MADCAM1: variants seen among roughly 807,000 people sequenced by gnomAD.
The protein encoded by MADCAM1 is mucosal vascular addressin cell adhesion molecule 1.
Under a neutral mutation model 26.1 loss-of-function variants are expected in MADCAM1, and 19 were observed. The ratio of observed to expected loss-of-function variants is 0.73; its 90% CI spans 0.51 to 1.07. The LOEUF is 1.07. Among genes scored for constraint, MADCAM1 ranks in the 50% least tolerant of loss-of-function variants. The pLI is 0.00. For missense variants in MADCAM1, 514 were observed against 542.1 expected (o/e 0.95, Z 0.51); for synonymous variants, 268 against 260.9 (o/e 1.03, Z -0.26).
chr19:497,758 G>C, intron 1 of MADCAM1, 75 bp from the exon 2 acceptor site: 1 of 1,158,578 alleles, frequency 8.6e-7, no homozygotes, highest in East Asian at 3.3e-5. Flanking sequence ...TCCGGGGGTG[G>C]AGCGGGACGC....
rs769030372 is a variant in MADCAM1, at chr19:501,716, G to C, written c.715G>C (p.Glu239Gln). ...GGAGCCTCCCGACACCACCTCCCCG[G>C]AGTCTCCCGACACCACCTCCCCGGA... ...SPEPPDTTSP[E>Q]SPDTTSPESP... Residue 239 changes from glutamate to glutamine, a missense_variant, in exon 4 of 5, where the codon GAG (glutamate) becomes CAG (glutamine). Transcript: ENST00000215637. The C allele has an allele frequency of 1.3e-6, 2 of 1,513,780 alleles. No individual in the cohort carries two copies. The highest frequency in any genetic ancestry group is 2.6e-5 in the South Asian group (2 of 75,982). 93.8% of individuals were successfully genotyped at this position (1,513,780 alleles called of 1,614,324 possible).
intron 3 of MADCAM1, chr19:499,917 C>G (rs181353866): frequency 2.3e-6 from 1 of 435,332 alleles, no homozygotes. Context: ...TGTTAATGGA[C>G]GTGAGGTCGT....
At chr19:498,943 T>G in intron 3 of MADCAM1, 118 bp downstream of exon 3, 102 of 1,324,740 alleles carry the variant, frequency 7.7e-5, no homozygotes, top group East Asian at 3.1e-4. Flanking sequence ...GAGGACTGGA[T>G]TCCCCCACGC....
At chr19:501,485 CAAAAAAAAAAAAAAA>C (rs60370701) in intron 3 of MADCAM1, 169 bp from the exon 4 acceptor site, 856 of 83,538 alleles carry the variant, frequency 0.01, 13 homozygotes, top group African/African-American at 0.054. Context: ...AACTCTGTCT[CAAAAAAAAAAAAAAA>C]AAAAAAAAAA....
In MADCAM1 at chr19:505,321, C is replaced by T. The variant is rs746257311; in HGVS notation, c.*356C>T. On this transcript the variant is annotated 3_prime_UTR_variant, in exon 5 of 5. Transcript: ENST00000215637. ...TCGTCAGGACCTCCTGAGGCTTTGG[C>T]AAATAAACCTCCTAAAATGATACAA... 6 of 226,102 alleles carry T rather than the reference C, an allele frequency of 2.7e-5. No homozygotes were observed. Among genetic ancestry groups the T allele is most frequent in the Non-Finnish European group, 5.2e-5 (6 of 115,942 alleles). 14.0% of individuals were successfully genotyped at this position (226,102 alleles called of 1,614,324 possible).
At chr19:498,435 C>G in intron 2 of MADCAM1, 61 bp from the exon 3 acceptor site, 1 of 1,410,156 alleles carries the variant, frequency 7.1e-7, no homozygotes, top group Non-Finnish European at 9.2e-7. Context: ...GGGCTCCGGC[C>G]CCTCCATCAC....
At position 497,996 on chromosome 19, in the gene MADCAM1, G is replaced by T; in HGVS notation, c.216G>T (p.Ser72=). The change falls in exon 2 of 5, where the codon TCG becomes TCT. Residue 72 remains serine, a synonymous_variant. Transcript: ENST00000215637. ...GLDTSLGAVQ[S]DTGRSVLTVR... ...ACACCAGCCTGGGCGCGGTGCAGTCGGACACGGGCCGCAGCGTCCTCACCG... is the reference window on the plus strand; with the variant it reads ...ACACCAGCCTGGGCGCGGTGCAGTCTGACACGGGCCGCAGCGTCCTCACCG... 1 of 1,502,458 alleles carries T rather than the reference G, an allele frequency of 6.7e-7. No homozygotes were observed. The highest frequency in any genetic ancestry group is 8.8e-7 in the Non-Finnish European group (1 of 1,131,842). The allele number at this position is 1,502,458 out of a possible 1,614,324, so 93.1% of individuals were successfully genotyped here. A position where few individuals can be genotyped will look rare whatever the true frequency, so the allele number is the denominator to read the frequency against.
intron 2 of MADCAM1, 69 bp from the exon 3 acceptor site, chr19:498,427 G>C: frequency 7.2e-7 from 1 of 1,396,866 alleles, no homozygotes; most frequent in Non-Finnish European, 9.3e-7. Flanking sequence ...GCCCCTCCGG[G>C]CTCCGGCCCC....
rs1221430128 is a variant in MADCAM1 at position 504,751 on chromosome 19, A to C, written c.935A>C (p.Lys312Thr). Reference protein sequence around the residue: ...QGEVIPTGSSKPAGDQLPAAL... With the variant: ...QGEVIPTGSSTPAGDQLPAAL... ...TCCTGCACTCTCTCCCCAGCGTCCAAACCTGCGGGTGACCAGCTGCCCGCG... is the reference window on the plus strand; with the variant it reads ...TCCTGCACTCTCTCCCCAGCGTCCACACCTGCGGGTGACCAGCTGCCCGCG... The change falls in exon 5 of 5, where the codon AAA becomes ACA. Residue 312 changes from lysine to threonine, a missense_variant. Lys to Thr is a moderately conservative substitution (Grantham distance 78). Coordinates refer to ENST00000215637, the MANE Select transcript of MADCAM1 (RefSeq NM_130760.3). 1 of 1,603,414 alleles carries C rather than the reference A, an allele frequency of 6.2e-7. No homozygotes were observed. The highest frequency in any genetic ancestry group is 8.5e-7 in the Non-Finnish European group (1 of 1,172,392).
At chr19:504,624 G>C in intron 4 of MADCAM1, 121 bp from the exon 5 acceptor site, 1 of 701,756 alleles carries the variant, frequency 1.4e-6, no homozygotes, top group Admixed American at 2.4e-5. Flanking sequence ...AAAGTCCTTT[G>C]TGAAATTTCA....
chr19:498,921 GT>G, intron 3 of MADCAM1, 96 bp downstream of exon 3: 1 of 1,346,124 alleles, frequency 7.4e-7, no homozygotes, highest in South Asian at 1.3e-5. Context: ...CACCTGTGCT[GT>G]GGGGCGCTGG....
rs1442104370 is a variant in MADCAM1 at position 504,978 on chromosome 19, TC to T, written c.*18del. ...CAGCCCCTCCTGAGTGGCCAGCCTT[TC>T]CCCCTGTGAAAGCAAAATAGCTTGG... On this transcript the variant is annotated 3_prime_UTR_variant, in exon 5 of 5. Transcript: ENST00000215637. The T allele has an allele frequency of 3.2e-6, 5 of 1,568,850 alleles. No homozygotes were observed. Among genetic ancestry groups the T allele is most frequent in the Non-Finnish European group, 4.3e-6 (5 of 1,150,208 alleles).
intron 2 of MADCAM1, 33 bp from the exon 3 acceptor site, chr19:498,463 G>A (rs1361716040): frequency 1.4e-6 from 2 of 1,439,236 alleles, no homozygotes; most frequent in Non-Finnish European, 1.8e-6. Flanking sequence ...CCTGACTCTG[G>A]GCTCAGCCCT....
chr19:498,901 G>T, intron 3 of MADCAM1, 76 bp downstream of exon 3: 1 of 428,418 alleles, frequency 2.3e-6, no homozygotes, highest in Non-Finnish European at 4.4e-6. Flanking sequence ...GTGGGGGGGT[G>T]GGGGGGCAGC....
chr19:499,455 C>G (rs1479152996), intron 3 of MADCAM1: 2 of 441,278 alleles, frequency 4.5e-6, no homozygotes, highest in South Asian at 3.2e-5. Flanking sequence ...CAGGCACACA[C>G]GCACACGCGT....
chr19:504,692 G>A, intron 4 of MADCAM1, 53 bp from the exon 5 acceptor site: 1 of 1,343,830 alleles, frequency 7.4e-7, no homozygotes, highest in South Asian at 1.3e-5. Flanking sequence ...CCCTTCCCAA[G>A]CCTGCAGAGG....
At position 503,211 on chromosome 19, in the gene MADCAM1, C is replaced by T. The variant is rs371079572; in HGVS notation, c.928+1282C>T. ...TAAAAGTAAAGGCAAGGCATGAACC[C>T]GGGAGGTAGAGCTTGCAGTGAGCCG... On this transcript the variant is annotated intron_variant, in intron 4 of 4. Transcript: ENST00000215637. 1.6e-4 allele frequency among the ~76,000 whole-genome samples: 25 copies of T among 151,900 alleles called. No homozygotes were observed. In the East Asian group the frequency reaches 2.1e-3, roughly 13 times the overall value.
chr19:504,540 G>T (rs1978516259), intron 4 of MADCAM1, among the ~76,000 whole-genome samples: 1 of 152,176 alleles, frequency 6.6e-6, no homozygotes, highest in African/African-American at 2.4e-5. Flanking sequence ...TTTCAGGCGT[G>T]AGCCACCCCG....
chr19:500,928 A>G (rs1387111235), intron 3 of MADCAM1, among the ~76,000 whole-genome samples: 14 of 151,570 alleles, frequency 9.2e-5, no homozygotes, highest in Admixed American at 7.9e-4. Context: ...ATAGAAACAA[A>G]AATGTAGGCC....
Sources: gnomAD v4.1 joint callset for allele counts (sites outside exome capture counted in the v4.1 genomes callset) on GRCh38, gnomAD v4.1.1 for gene constraint, MANE v1.5 for transcripts, NCBI Gene and HGNC (gene_info 2026-07-23, HGNC 2026-07-21) for gene names.